Variants in SERF1A observed in about 807,000 individuals in gnomAD.
SERF1A encodes small EDRK-rich factor 1.
chr5:70,912,012 TAC>T (rs1203956669), downstream of SERF1A, among the ~76,000 whole-genome samples: 2,999 of 22,782 alleles, frequency 0.13, 847 homozygotes, highest in South Asian at 0.25. Flanking sequence ...TCTCAAAACA[TAC>T]ACACACACAC....
Sources: allele counts gnomAD v4.1 joint callset (sites outside exome capture counted in the v4.1 genomes callset), GRCh38; gene constraint gnomAD v4.1.1; transcripts MANE v1.5; gene names NCBI Gene and HGNC (gene_info 2026-07-23, HGNC 2026-07-21).